The following ZNF608 variants were observed in gnomAD, a reference collection of about 807,000 sequenced individuals.
ZNF608 encodes zinc finger protein 608, also known as renal carcinoma antigen NY-REN-36.
Under a neutral mutation model 109.0 loss-of-function variants are expected in ZNF608, and 12 were observed. The ratio of observed to expected loss-of-function variants is 0.11; its 90% CI spans 0.07 to 0.18. The LOEUF (loss-of-function observed/expected upper bound fraction) is 0.18. Among genes scored for constraint, ZNF608 ranks in the 10% least tolerant of loss-of-function variants. The probability of loss-of-function intolerance (pLI) is 1.00; values close to 1 mark genes in which losing one functional copy is unlikely to be tolerated. For missense variants in ZNF608, 1,707 were observed against 1,879.3 expected, an observed-to-expected ratio of 0.91 and a Z score of 1.70; for synonymous variants, 732 against 717.4, an observed-to-expected ratio of 1.02 and a Z score of -0.33.
chr5:124,687,652 C>T (rs932644787), intron 3 of ZNF608, among the ~76,000 whole-genome samples: 4 of 152,112 alleles, frequency 2.6e-5, no homozygotes, highest in East Asian at 3.9e-4. Flanking sequence ...GCCCACGAGC[C>T]GAATTCCCCT....
At chr5:124,693,116 A>G (rs916632988) in intron 3 of ZNF608, among the ~76,000 whole-genome samples, 1 of 152,252 alleles carries the variant, frequency 6.6e-6, no homozygotes, top group African/African-American at 2.4e-5. Context: ...AGAAAAAAAC[A>G]CTGAATTATA....
At chr5:124,715,133 G>A (rs1199698090) in intron 2 of ZNF608, among the ~76,000 whole-genome samples, 1 of 152,116 alleles carries the variant, frequency 6.6e-6, no homozygotes, top group Non-Finnish European at 1.5e-5. Context: ...CTATTTTATA[G>A]GGGTACTTCA....
intron 2 of ZNF608, among the ~76,000 whole-genome samples, chr5:124,725,101 G>A (rs533704820): frequency 1.3e-5 from 2 of 152,074 alleles, no homozygotes; most frequent in South Asian, 2.1e-4. Flanking sequence ...CTCGACCCCC[G>A]GGGGGATTGT....
intron 2 of ZNF608, among the ~76,000 whole-genome samples, chr5:124,712,404 T>C (rs1400200672): frequency 6.6e-6 from 1 of 152,078 alleles, no homozygotes; most frequent in Non-Finnish European, 1.5e-5. Context: ...CTGTGACCCC[T>C]GGCAGAAAGA....
chr5:124,646,836 G>A lies in ZNF608; in HGVS notation c.3548C>T (p.Ser1183Leu), dbSNP rs758574794. Residue 1183 changes from serine to leucine, a missense_variant, in exon 5 of 10, where the codon TCG (serine) becomes TTG (leucine). Coordinates refer to ENST00000513986, the MANE Select transcript of ZNF608 (RefSeq NM_020747.3). ...CTGCTGGTGATTGGAGAGAAGCTGC[G>A]ATTTACCTGTCTCCTCAGTTTTATT... ...VPNKTEETGK[S>L]QLLSNHQQQL... The A allele has an allele frequency of 1.1e-5, 17 of 1,614,102 alleles. No homozygotes were observed. In the East Asian group the frequency reaches 1.6e-4, roughly 15 times the overall value.
At position 124,648,134 on chromosome 5, in the gene ZNF608, G is replaced by A. The variant is rs756125870; in HGVS notation, c.2250C>T (p.Ile750=). The A allele has an allele frequency of 3.1e-5, 44 of 1,402,014 alleles. 1 individual carries two copies. Among genetic ancestry groups the A allele is most frequent in the Non-Finnish European group, 3.8e-5 (39 of 1,032,780 alleles). 86.8% of individuals were successfully genotyped at this position (1,402,014 alleles called of 1,614,324 possible). A position where few individuals can be genotyped will look rare whatever the true frequency, so the allele number is the denominator to read the frequency against. The change falls in exon 5 of 10, where the codon ATC becomes ATT. Residue 750 remains isoleucine, a synonymous_variant. Transcript: ENST00000513986. ...PAPAPTPPQL[I]AIPTATFTTT... is the part of the protein sequence containing the mutation. ...TTGTAAAGGTTGCAGTGGGTATAGC[G>A]ATTAGCTGCGGGGGAGTGGGGGCTG...
chr5:124,744,780 GGAGGCCGGACC>G lies in ZNF608; in HGVS notation c.199_209del (p.Gly67GlnfsTer11). The G allele has an allele frequency of 1.2e-6, 2 of 1,614,216 alleles. No homozygotes were observed. The highest frequency in any genetic ancestry group is 1.7e-6 in the Non-Finnish European group (2 of 1,180,042). ...AGGCTGCGGTAGCACCAGCCCCACT[GGAGGCCGGACC>G]TCCACAATCCTTGGAGTTGCTGCTA... is the stretch of plus-strand genomic sequence containing the variant. On this transcript the variant is annotated frameshift_variant, in exon 2 of 10. Coordinates refer to ENST00000513986, the MANE Select transcript of ZNF608 (RefSeq NM_020747.3). LOFTEE classifies it high-confidence loss of function. The surrounding 1 kb of genome is among the most constrained non-coding windows in gnomAD (Gnocchi z 4.5).
At chr5:124,704,495 G>T (rs1490777533) in intron 2 of ZNF608, among the ~76,000 whole-genome samples, 1 of 152,134 alleles carries the variant, frequency 6.6e-6, no homozygotes, top group Non-Finnish European at 1.5e-5. Flanking sequence ...CTTAGAGGTC[G>T]CCAGCAAGAA....
chr5:124,643,463 T>G, intron 7 of ZNF608, 48 bp downstream of exon 7: 1 of 1,580,688 alleles, frequency 6.3e-7, no homozygotes, highest in East Asian at 2.2e-5. Context: ...TTGTTCCCCT[T>G]TCTCCCCAAA....
intron 3 of ZNF608, among the ~76,000 whole-genome samples, chr5:124,693,780 G>A (rs1207662784): frequency 1.3e-5 from 2 of 151,852 alleles, no homozygotes; most frequent in Non-Finnish European, 2.9e-5. Flanking sequence ...TTCCCTCATC[G>A]GGAAAGCATA....
Position 124,680,599 on chromosome 5 carries a change from T to C in ZNF608, c.1162+20415A>G, listed in dbSNP as rs188342375. 1.3e-3 allele frequency among the ~76,000 whole-genome samples: 198 copies of C among 152,290 alleles called. 2 individuals carry two copies. The highest frequency in any genetic ancestry group is 4.6e-3 in the African/African-American group (192 of 41,566). On this transcript the variant is annotated intron_variant, in intron 3 of 9. Transcript: ENST00000513986. ...TACTGAAGCATGTAGAATTTCAAAC[T>C]AGCTTCTCAGCGCACCACTCATAGA... is the stretch of plus-strand genomic sequence containing the variant.
In ZNF608 at chr5:124,744,118, C is replaced by T. The variant is rs764217503; in HGVS notation, c.872G>A (p.Ser291Asn). Residue 291 changes from serine to asparagine, a missense_variant, in exon 2 of 10, where the codon AGC (serine) becomes AAC (asparagine). This residue lies in a region of ZNF608 where 407 missense variants were observed against 398.7 expected (regional missense o/e 1.02). Transcript: ENST00000513986. This position sits in a 1 kb window ranked among gnomAD's most constrained non-coding sequence, Gnocchi z 4.5. ...TTTCAGTTTCTTGATTCGCCTGTGGCTCTCCTCCTCCTCCTCTTCCTTCTT... is the reference window on the plus strand; with the variant it reads ...TTTCAGTTTCTTGATTCGCCTGTGGTTCTCCTCCTCCTCCTCTTCCTTCTT... ...LVKKEEEEEESHRRIKKLKTE... is the reference protein window; with the variant it reads ...LVKKEEEEEENHRRIKKLKTE... The T allele has an allele frequency of 6.9e-6, 11 of 1,599,752 alleles. No homozygotes were observed. The South Asian group carries it at 1.1e-4, about 16-fold the overall frequency.
intron 5 of ZNF608, 127 bp downstream of exon 5, chr5:124,646,552 G>T: frequency 8.7e-7 from 1 of 1,153,150 alleles, no homozygotes. Context: ...TATTTTTCAA[G>T]AGCAGAGGAA....
intron 6 of ZNF608, among the ~76,000 whole-genome samples, 187 bp from the exon 7 acceptor site, chr5:124,643,870 T>C (rs1750365969): frequency 6.6e-6 from 1 of 152,252 alleles, no homozygotes; most frequent in African/African-American, 2.4e-5. Context: ...TAATTCATCC[T>C]GATGAAGGGA....
At chr5:124,650,576 G>A (rs1750733140) in intron 3 of ZNF608, among the ~76,000 whole-genome samples, 1 of 152,148 alleles carries the variant, frequency 6.6e-6, no homozygotes, top group Non-Finnish European at 1.5e-5. Flanking sequence ...ACTTAAGTGT[G>A]CTTAGTATAC....
chr5:124,668,885 G>A (rs916145795), intron 3 of ZNF608, among the ~76,000 whole-genome samples: 3 of 152,162 alleles, frequency 2.0e-5, no homozygotes, highest in Non-Finnish European at 4.4e-5. Flanking sequence ...TTCAGTTGGT[G>A]ACACAGGAAG....
rs527405078 is a variant in ZNF608 at position 124,734,103 on chromosome 5, T to C, written c.906+9981A>G. On this transcript the variant is annotated intron_variant, in intron 2 of 9. Coordinates refer to ENST00000513986, the MANE Select transcript of ZNF608 (RefSeq NM_020747.3). ...AGTGATGCGATCAACATAACCACTTTACCATCAATAAAATCCTTCACACCT... is the reference window on the plus strand; with the variant it reads ...AGTGATGCGATCAACATAACCACTTCACCATCAATAAAATCCTTCACACCT... Among the ~76,000 whole-genome samples the C allele has an allele frequency of 9.8e-5, 15 of 152,320 alleles. No individual in the cohort carries two copies. The South Asian group carries it at 3.1e-3, about 32-fold the overall frequency.
chr5:124,688,204 G>A lies in ZNF608; in HGVS notation c.1162+12810C>T, dbSNP rs10478638. On this transcript the variant is annotated intron_variant, in intron 3 of 9. Coordinates refer to ENST00000513986, the MANE Select transcript of ZNF608 (RefSeq NM_020747.3). The stretch of plus-strand genomic sequence containing the variant: ...GTATCTTTTAACTTCCTTCACTTGG[G>A]AGAAAAAGAGCTGTAAGAGTCATTC... Among the ~76,000 whole-genome samples the A allele has an allele frequency of 3.8e-3, 573 of 152,040 alleles. 6 individuals are homozygous for A. The highest frequency in any genetic ancestry group is 0.013 in the African/African-American group (536 of 41,464).
chr5:124,706,825 A>G lies in ZNF608; in HGVS notation c.907-5556T>C, dbSNP rs142343324. Among the ~76,000 whole-genome samples the G allele has an allele frequency of 2.3e-3, 353 of 152,284 alleles. 1 individual carries two copies. The highest frequency in any genetic ancestry group is 3.0e-3 in the Non-Finnish European group (204 of 68,022). On this transcript the variant is annotated intron_variant, in intron 2 of 9. Transcript: ENST00000513986. ...AAGAACAGACGCGCGGCAGTCTCTC[A>G]CTGTTATTTTTGCATGATTATTCCC... is the stretch of plus-strand genomic sequence containing the variant.
Sources: allele counts gnomAD v4.1 joint callset (sites outside exome capture counted in the v4.1 genomes callset), GRCh38; gene constraint gnomAD v4.1.1; regional missense constraint gnomAD v4.1.1; non-coding constraint Gnocchi (gnomAD v3.1); transcripts MANE v1.5; gene names NCBI Gene and HGNC (gene_info 2026-07-23, HGNC 2026-07-21).